Variants in RBFOX3 observed in about 807,000 individuals in gnomAD.
The protein encoded by RBFOX3 is RNA binding protein fox-1 homolog 3.
RBFOX3 carries 17 observed loss-of-function variants against 48.7 expected under a neutral mutation model. The observed-to-expected ratio is 0.35, with a 90% CI of 0.24 to 0.52. The LOEUF (loss-of-function observed/expected upper bound fraction) is 0.52, where lower values mean the gene tolerates loss of function less well. Ranked by LOEUF, RBFOX3 falls within the 20% of genes least tolerant of loss-of-function variation. The probability of loss-of-function intolerance (pLI) is 0.94; values close to 1 mark genes in which losing one functional copy is unlikely to be tolerated. For missense variants in RBFOX3, 382 were observed against 497.5 expected (o/e 0.77, Z 2.21); for synonymous variants, 212 against 209.5 (o/e 1.01, Z -0.10).
chr17:79,394,144 C>T (rs2061699899), intron 2 of RBFOX3, among the ~76,000 whole-genome samples: 1 of 152,192 alleles, frequency 6.6e-6, no homozygotes, highest in Non-Finnish European at 1.5e-5. Context: ...CTGAGTTGGT[C>T]CCCGCGCACA....
the RBFOX3 span, among the ~76,000 whole-genome samples, chr17:79,628,387 A>G: frequency 1.1e-4 from 16 of 152,030 alleles, no homozygotes; most frequent in Admixed American, 1.3e-4. Context: ...CTGATCTGAG[A>G]TCTTAGGGCT....
At chr17:79,611,168 C>CCGCCCTCCT, upstream of RBFOX3, among the ~76,000 whole-genome samples, 1 of 33,234 alleles carries the variant, frequency 3.0e-5, no homozygotes, top group African/African-American at 1.0e-4. Context: ...CTCTCTCTCT[C>CCGCCCTCCT]TCTCTCCGCC....
At chr17:79,556,351 T>C (rs999991331) in intron 1 of RBFOX3, among the ~76,000 whole-genome samples, 2 of 152,056 alleles carry the variant, frequency 1.3e-5, no homozygotes, top group Non-Finnish European at 1.5e-5. Flanking sequence ...TAGACAGCAG[T>C]TCCATTCGGT....
At chr17:79,484,015 G>T (rs1468342573) in intron 1 of RBFOX3, among the ~76,000 whole-genome samples, 2 of 152,048 alleles carry the variant, frequency 1.3e-5, no homozygotes, top group Non-Finnish European at 2.9e-5. Context: ...CCATCAGCCA[G>T]ACAGGACACA....
intron 4 of RBFOX3, among the ~76,000 whole-genome samples, chr17:79,230,839 C>T (rs1242721348): frequency 6.6e-6 from 1 of 152,086 alleles, no homozygotes; most frequent in Admixed American, 6.5e-5. Flanking sequence ...TGGGTTTGTT[C>T]CAGCAGCCGG....
At chr17:79,389,966 TGTAGCCTCCGGGTCTCC>T (rs1568164897) in intron 2 of RBFOX3, among the ~76,000 whole-genome samples, 8 of 145,430 alleles carry the variant, frequency 5.5e-5, no homozygotes, top group Non-Finnish European at 1.2e-4. Context: ...TCCAGGTCTC[TGTAGCCTCCGGGTCTCC>T]GCAGCCTCCA....
intron 3 of RBFOX3, among the ~76,000 whole-genome samples, chr17:79,300,186 G>T (rs2145288052): frequency 6.6e-6 from 1 of 152,320 alleles, no homozygotes; most frequent in Non-Finnish European, 1.5e-5. Flanking sequence ...TTACAGGCAT[G>T]AGCCACTGTG....
At chr17:79,175,005 C>A (rs551163375) in intron 4 of RBFOX3, among the ~76,000 whole-genome samples, 50 of 152,336 alleles carry the variant, frequency 3.3e-4, no homozygotes, top group African/African-American at 1.2e-3. Flanking sequence ...CCGAGGCCCC[C>A]GTGCCAACCC....
chr17:79,429,313 T>G lies in RBFOX3; in HGVS notation c.-175+53141A>C, dbSNP rs1365397782. ...TCGTCCACCCTGAGGGGCCCTGGGA[T>G]GGTCATGAGTCCCATCCTTGCCCAT... is the stretch of plus-strand genomic sequence containing the variant. On this transcript the variant is annotated intron_variant, in intron 2 of 14. Coordinates refer to ENST00000693108, the MANE Select transcript of RBFOX3 (RefSeq NM_001350451.2). Among the ~76,000 whole-genome samples, 3 of 152,160 alleles carry G rather than the reference T, an allele frequency of 2.0e-5. No individual in the cohort carries two copies. In the East Asian group the frequency reaches 5.8e-4, roughly 29 times the overall value.
At chr17:79,360,009 A>G (rs72849689) in intron 2 of RBFOX3, among the ~76,000 whole-genome samples, 21,228 of 151,532 alleles carry the variant, frequency 0.14, 1,842 homozygotes, top group Middle Eastern at 0.22. Context: ...TACAGGCGTG[A>G]GCTCCCATGC....
chr17:79,556,390 C>T (rs1430945565), intron 1 of RBFOX3, among the ~76,000 whole-genome samples: 4 of 152,054 alleles, frequency 2.6e-5, no homozygotes, highest in Admixed American at 6.5e-5. Context: ...CGTGTGGCTC[C>T]GTAAAGCATT....
intron 2 of RBFOX3, among the ~76,000 whole-genome samples, chr17:79,437,725 G>T (rs1598691645): frequency 6.6e-6 from 1 of 152,228 alleles, no homozygotes; most frequent in African/African-American, 2.4e-5. Flanking sequence ...CCCACCCTAG[G>T]CCGGCATGAG....
At chr17:79,653,607 C>T in the RBFOX3 span, among the ~76,000 whole-genome samples, 1 of 152,170 alleles carries the variant, frequency 6.6e-6, no homozygotes, top group South Asian at 2.1e-4. Flanking sequence ...TCGATAGCTT[C>T]GAGTGTATAA....
chr17:79,108,928 C>G (rs2005107), intron 5 of RBFOX3, among the ~76,000 whole-genome samples: 1 of 152,242 alleles, frequency 6.6e-6, no homozygotes, highest in Non-Finnish European at 1.5e-5. Context: ...CACGTGTCCA[C>G]GTTCCTGATG....
intron 4 of RBFOX3, among the ~76,000 whole-genome samples, chr17:79,124,452 T>G (rs957800484): frequency 1.3e-5 from 2 of 152,170 alleles, no homozygotes; most frequent in South Asian, 4.1e-4. Flanking sequence ...TGGGCCTGTA[T>G]TTAGAGGTGA....
At chr17:79,333,552 A>G (rs1254029387) in intron 2 of RBFOX3, among the ~76,000 whole-genome samples, 1 of 152,104 alleles carries the variant, frequency 6.6e-6, no homozygotes, top group African/African-American at 2.4e-5. Flanking sequence ...GAGCCACCCA[A>G]CCTCAGCATC....
At chr17:79,130,795 C>T (rs1223904236) in intron 4 of RBFOX3, among the ~76,000 whole-genome samples, 2 of 152,238 alleles carry the variant, frequency 1.3e-5, no homozygotes, top group Non-Finnish European at 1.5e-5. Context: ...GGGCTTGGTG[C>T]GGGATGGGGC....
chr17:79,614,345 C>A (rs1351694761), upstream of RBFOX3, among the ~76,000 whole-genome samples: 4 of 152,234 alleles, frequency 2.6e-5, no homozygotes, highest in African/African-American at 7.2e-5. Flanking sequence ...GACCTCCACC[C>A]TCCTGGCAGG....
the RBFOX3 span, among the ~76,000 whole-genome samples, chr17:79,623,127 C>T: frequency 3.9e-5 from 6 of 152,204 alleles, no homozygotes; most frequent in Non-Finnish European, 7.3e-5. Context: ...GAGACTGCCT[C>T]CACTCAGGAT....
Sources: allele counts gnomAD v4.1 joint callset (sites outside exome capture counted in the v4.1 genomes callset), GRCh38; gene constraint gnomAD v4.1.1; transcripts MANE v1.5; gene names NCBI Gene and HGNC (gene_info 2026-07-23, HGNC 2026-07-21).